Variants in ELSPBP1 observed in about 807,000 individuals in gnomAD.
The protein encoded by ELSPBP1 is epididymal sperm-binding protein 1.
In ELSPBP1, 38 loss-of-function variants were observed where a neutral mutation model predicts 33.3. The ratio of observed to expected loss-of-function variants is 1.14; its 90% CI spans 0.88 to 1.50. The LOEUF (loss-of-function observed/expected upper bound fraction) is 1.50, where lower values mean the gene tolerates loss of function less well. ELSPBP1 is among the 40% of genes most tolerant of loss of function. The pLI is 0.00. For missense variants in ELSPBP1, 267 were observed against 263.5 expected (o/e 1.01, Z -0.09); for synonymous variants, 85 against 94.1 (o/e 0.90, Z 0.56).
intron 4 of ELSPBP1, among the ~76,000 whole-genome samples, chr19:48,018,422 G>C (rs921591291): frequency 2.6e-5 from 4 of 152,082 alleles, no homozygotes; most frequent in African/African-American, 9.7e-5. Flanking sequence ...AATGGGCTTT[G>C]AAGTTAGACC....
chr19:48,018,050 C>T (rs944791060), intron 4 of ELSPBP1, among the ~76,000 whole-genome samples: 1 of 152,058 alleles, frequency 6.6e-6, no homozygotes, highest in Non-Finnish European at 1.5e-5. Context: ...CATAAATCAC[C>T]AAACGGATGT....
At chr19:48,018,643 G>T (rs1354542871) in intron 4 of ELSPBP1, among the ~76,000 whole-genome samples, 1 of 152,056 alleles carries the variant, frequency 6.6e-6, no homozygotes, top group Non-Finnish European at 1.5e-5. Flanking sequence ...TTTACACATG[G>T]ACAAACTGAG....
chr19:48,010,441 A>G (rs12972857), intron 2 of ELSPBP1, among the ~76,000 whole-genome samples: 25,469 of 152,216 alleles, frequency 0.17, 2,203 homozygotes, highest in South Asian at 0.23. Context: ...TAAGTTCCAG[A>G]CATTGTGTTA....
At chr19:48,018,440 G>C (rs1192886930) in intron 4 of ELSPBP1, among the ~76,000 whole-genome samples, 1 of 152,162 alleles carries the variant, frequency 6.6e-6, no homozygotes, top group Admixed American at 6.5e-5. Flanking sequence ...ACCCGAGTTG[G>C]AATTCTGTTG....
At chr19:48,006,475 G>A (rs576507955) in intron 1 of ELSPBP1, among the ~76,000 whole-genome samples, 1 of 151,708 alleles carries the variant, frequency 6.6e-6, no homozygotes, top group Non-Finnish European at 1.5e-5. Flanking sequence ...TTAGCCAGGC[G>A]TGGTGGCACG....
chr19:48,012,226 A>G (rs559313599), intron 2 of ELSPBP1, among the ~76,000 whole-genome samples: 2 of 152,212 alleles, frequency 1.3e-5, no homozygotes, highest in Admixed American at 6.5e-5. Flanking sequence ...CTCAGGCTCA[A>G]AGGGTCTTCC....
intron 5 of ELSPBP1, among the ~76,000 whole-genome samples, chr19:48,020,649 T>C (rs1287544701): frequency 6.6e-6 from 1 of 152,140 alleles, no homozygotes; most frequent in Non-Finnish European, 1.5e-5. Flanking sequence ...AAATCCTCCA[T>C]CCACCAGGTG....
rs1373017253 is a variant in ELSPBP1, at chr19:48,019,976, T to A, written c.514+99T>A. 2.3e-6 allele frequency: 3 copies of A among 1,314,984 alleles called. No homozygotes were observed. In the East Asian group the frequency reaches 7.2e-5, roughly 31 times the overall value. The allele number at this position is 1,314,984 out of a possible 1,614,324, so 81.5% of individuals were successfully genotyped here. A position where few individuals can be genotyped will look rare whatever the true frequency, so the allele number is the denominator to read the frequency against. ...ACCCCACTGTGAGCCAGGCACTGAGTTGGGCACTGAGGATCTGGTGATGAA... is the reference window on the plus strand; with the variant it reads ...ACCCCACTGTGAGCCAGGCACTGAGATGGGCACTGAGGATCTGGTGATGAA... On this transcript the variant is annotated intron_variant, in intron 5 of 6. Transcript: ENST00000339841.
intron 1 of ELSPBP1, among the ~76,000 whole-genome samples, chr19:47,995,044 T>C (rs1966900576): frequency 6.6e-6 from 1 of 152,260 alleles, no homozygotes; most frequent in Admixed American, 6.5e-5. Flanking sequence ...TTTCAACACA[T>C]AATGAATACA....
chr19:48,006,632 A>AAAAAG (rs1967021391), intron 1 of ELSPBP1, among the ~76,000 whole-genome samples: 1 of 140,312 alleles, frequency 7.1e-6, no homozygotes, highest in South Asian at 2.2e-4. Context: ...AAAAAAAAAA[A>AAAAAG]AAAAAAAAAA....
rs62652780 is a variant in ELSPBP1, at chr19:48,011,286, C to T, written c.70+2549C>T. On this transcript the variant is annotated intron_variant, in intron 2 of 6. Coordinates refer to ENST00000339841, the MANE Select transcript of ELSPBP1 (RefSeq NM_022142.5). This position sits in a 1 kb window ranked among gnomAD's most constrained non-coding sequence, Gnocchi z 4.5. ...ATGATGACAATGACGATGATGATCA[C>T]CATGATAATGACAATAATGAGGTTG... Among the ~76,000 whole-genome samples the T allele has an allele frequency of 0.75, 113,528 of 151,376 alleles. 42,793 individuals carry two copies. Among genetic ancestry groups the T allele is most frequent in the East Asian group, 0.94 (4,846 of 5,140 alleles).
intron 1 of ELSPBP1, among the ~76,000 whole-genome samples, chr19:48,005,059 A>C (rs1005457396): frequency 3.3e-5 from 5 of 152,106 alleles, no homozygotes; most frequent in African/African-American, 7.2e-5. Context: ...TTTAAAAATT[A>C]GCTGGGTGTG....
chr19:48,013,766 C>T (rs148508808), intron 2 of ELSPBP1, among the ~76,000 whole-genome samples: 241 of 151,740 alleles, frequency 1.6e-3, no homozygotes, highest in African/African-American at 5.3e-3. Flanking sequence ...CCATTGACTG[C>T]GTAGCTTATA....
At position 48,011,977 on chromosome 19, in the gene ELSPBP1, A is replaced by C. The variant is rs55872037; in HGVS notation, c.71-2194A>C. Among the ~76,000 whole-genome samples the C allele has an allele frequency of 2.2e-3, 333 of 151,500 alleles. 4 individuals carry two copies. The highest frequency in any genetic ancestry group is 0.014 in the Middle Eastern group (4 of 294). On this transcript the variant is annotated intron_variant, in intron 2 of 6. Transcript: ENST00000339841. The surrounding 1 kb of genome is among the most constrained non-coding windows in gnomAD (Gnocchi z 4.5). ...AGTTGAGCTCTCATCCCAGGTCTAC[A>C]AAAAAAAAGCAATCAACTTTAATTA...
intron 5 of ELSPBP1, among the ~76,000 whole-genome samples, chr19:48,021,407 G>GT (rs35834626): frequency 6.2e-4 from 88 of 142,020 alleles, no homozygotes; most frequent in African/African-American, 7.0e-4. Context: ...TTATTTTTTA[G>GT]TTTTTTTTTT....
At chr19:47,997,916 T>C (rs1966926300) in intron 1 of ELSPBP1, among the ~76,000 whole-genome samples, 1 of 152,216 alleles carries the variant, frequency 6.6e-6, no homozygotes, top group Non-Finnish European at 1.5e-5. Flanking sequence ...TATTTACCCC[T>C]GGTTCCCACT....
At chr19:48,016,723 T>A (rs1967146357) in intron 4 of ELSPBP1, among the ~76,000 whole-genome samples, 1 of 151,732 alleles carries the variant, frequency 6.6e-6, no homozygotes, top group Non-Finnish European at 1.5e-5. Flanking sequence ...CTCAGCCTCC[T>A]GAGTAGCTGG....
At chr19:48,005,938 C>T (rs1967012870) in intron 1 of ELSPBP1, among the ~76,000 whole-genome samples, 1 of 152,074 alleles carries the variant, frequency 6.6e-6, no homozygotes, top group Non-Finnish European at 1.5e-5. Context: ...GTGTGTAGCA[C>T]TCAATGAGTT....
rs1245875358 is a variant in ELSPBP1 at position 48,011,127 on chromosome 19, T to C, written c.70+2390T>C. The stretch of plus-strand genomic sequence containing the variant: ...ATGACAATGATGATGGTGACAGTGA[T>C]GATGATGACGATGATGATAATGATT... On this transcript the variant is annotated intron_variant, in intron 2 of 6. Transcript: ENST00000339841. This position sits in a 1 kb window ranked among gnomAD's most constrained non-coding sequence, Gnocchi z 4.5. 9.5e-6 allele frequency among the ~76,000 whole-genome samples: 1 copy of C among 105,408 alleles called. No homozygotes were observed. The highest frequency in any genetic ancestry group is 2.1e-5 in the Non-Finnish European group (1 of 48,676). 69.2% of individuals were successfully genotyped at this position (105,408 alleles called of 152,430 possible).
Sources: allele counts gnomAD v4.1 joint callset (sites outside exome capture counted in the v4.1 genomes callset), GRCh38; gene constraint gnomAD v4.1.1; non-coding constraint Gnocchi (gnomAD v3.1); transcripts MANE v1.5; gene names NCBI Gene and HGNC (gene_info 2026-07-23, HGNC 2026-07-21).